The following MARCHF1 variants were observed in gnomAD, a reference collection of about 807,000 sequenced individuals.
MARCHF1 encodes the protein E3 ubiquitin-protein ligase MARCHF1.
In MARCHF1, 40 loss-of-function variants were observed where a neutral mutation model predicts 54.2. The observed-to-expected ratio is 0.74, with a 90% CI of 0.57 to 0.96. MARCHF1 has a LOEUF of 0.96. Ranked by LOEUF, MARCHF1 falls within the 40% of genes least tolerant of loss-of-function variation. The pLI, the probability that MARCHF1 is intolerant of heterozygous loss-of-function variation, is 0.00. For synonymous variants in MARCHF1, 236 were observed against 236.3 expected, an observed-to-expected ratio of 1.00 and a Z score of 0.01; for missense variants, 586 against 656.5, an observed-to-expected ratio of 0.89 and a Z score of 1.17.
chr4:164,241,719 G>A (rs1331762340), intron 1 of MARCHF1, among the ~76,000 whole-genome samples: 2 of 152,262 alleles, frequency 1.3e-5, no homozygotes, highest in East Asian at 1.9e-4. Flanking sequence ...GAGGTACCGG[G>A]TTCATCTCCC....
chr4:163,955,212 TAAAAAAA>T (rs574633631), intron 3 of MARCHF1, among the ~76,000 whole-genome samples: 5 of 111,836 alleles, frequency 4.5e-5, no homozygotes, highest in African/African-American at 1.3e-4. Flanking sequence ...TACTGAACAT[TAAAAAAA>T]AAAAAAAAAA....
chr4:163,760,917 G>T (rs1205958760), intron 4 of MARCHF1, among the ~76,000 whole-genome samples: 4 of 152,126 alleles, frequency 2.6e-5, no homozygotes, highest in African/African-American at 9.7e-5. Flanking sequence ...TGGGTATGAA[G>T]TTACATTTTG....
rs1301702137 is a variant in MARCHF1, at chr4:163,626,380, T to C, written c.163-12987A>G. On this transcript the variant is annotated intron_variant, in intron 5 of 9. Transcript: ENST00000514618. ...CTAAAGTGGTTGCTTCCTGGTGCCC[T>C]GACCAGTTTAGATCCAATCCACTAG... Among the ~76,000 whole-genome samples, 3 of 152,222 alleles carry C rather than the reference T, an allele frequency of 2.0e-5. No homozygotes were observed. In the East Asian group the frequency reaches 5.8e-4, roughly 29 times the overall value.
At chr4:163,730,493 A>G (rs1481079004) in intron 4 of MARCHF1, among the ~76,000 whole-genome samples, 1 of 152,060 alleles carries the variant, frequency 6.6e-6, no homozygotes, top group Non-Finnish European at 1.5e-5. Flanking sequence ...GGACATGTGA[A>G]TGTAATTGTG....
intron 2 of MARCHF1, among the ~76,000 whole-genome samples, chr4:164,012,381 T>A (rs1753440210): frequency 6.6e-6 from 1 of 152,114 alleles, no homozygotes; most frequent in Non-Finnish European, 1.5e-5. Context: ...TCAGGAAGAT[T>A]CCTGAAACCC....
At chr4:163,867,641 T>A (rs1750082495) in intron 3 of MARCHF1, among the ~76,000 whole-genome samples, 1 of 151,838 alleles carries the variant, frequency 6.6e-6, no homozygotes, top group Admixed American at 6.6e-5. Context: ...TGCAGTAGGC[T>A]AATTTGCCAC....
intron 2 of MARCHF1, among the ~76,000 whole-genome samples, chr4:164,040,446 C>A (rs1303076267): frequency 2.1e-5 from 3 of 145,236 alleles, no homozygotes; most frequent in Admixed American, 6.9e-5. Context: ...ATAGGTATAT[C>A]CTTGTATATT....
intron 2 of MARCHF1, among the ~76,000 whole-genome samples, chr4:164,049,826 T>C (rs927783413): frequency 2.6e-5 from 4 of 152,164 alleles, no homozygotes; most frequent in African/African-American, 9.7e-5. Context: ...TTCCTTGCAT[T>C]TTATGAGGCA....
chr4:163,817,793 G>C (rs961221013), intron 4 of MARCHF1, among the ~76,000 whole-genome samples: 1 of 151,808 alleles, frequency 6.6e-6, no homozygotes, highest in African/African-American at 2.4e-5. Flanking sequence ...AAAAAAGGAT[G>C]AGTTCATGTC....
At chr4:164,152,200 T>A (rs577447457) in intron 1 of MARCHF1, among the ~76,000 whole-genome samples, 3 of 152,296 alleles carry the variant, frequency 2.0e-5, no homozygotes, top group Admixed American at 6.5e-5. Flanking sequence ...TGATACTTGG[T>A]GTAAGTGAAA....
chr4:164,113,655 T>C (rs530411139), intron 1 of MARCHF1, among the ~76,000 whole-genome samples: 1 of 152,022 alleles, frequency 6.6e-6, no homozygotes, highest in South Asian at 2.1e-4. Flanking sequence ...TAAATAATTG[T>C]ATAGGTACGT....
At chr4:163,980,349 C>T (rs1191646939) in intron 3 of MARCHF1, among the ~76,000 whole-genome samples, 1 of 137,374 alleles carries the variant, frequency 7.3e-6, no homozygotes, top group Non-Finnish European at 1.5e-5. Flanking sequence ...TTCCTTACAC[C>T]TTATACAAAA....
intron 1 of MARCHF1, among the ~76,000 whole-genome samples, chr4:164,113,064 G>A (rs745598199): frequency 2.0e-5 from 3 of 151,256 alleles, no homozygotes; most frequent in Non-Finnish European, 4.4e-5. Context: ...CTGTCTTCCA[G>A]CTTTAACTGT....
At chr4:163,584,255 C>T (rs557290761) in intron 8 of MARCHF1, 2 of 151,830 alleles carry the variant, frequency 1.3e-5, no homozygotes, top group South Asian at 2.1e-4. Flanking sequence ...TATCCTAGAT[C>T]GTGGCCCTCA....
At chr4:164,167,209 G>T (rs1730404598) in intron 1 of MARCHF1, among the ~76,000 whole-genome samples, 1 of 151,332 alleles carries the variant, frequency 6.6e-6, no homozygotes, top group Admixed American at 6.6e-5. Context: ...CCCTCAAAAA[G>T]CAAACAGTCT....
At chr4:164,155,483 G>A (rs775478387) in intron 1 of MARCHF1, among the ~76,000 whole-genome samples, 13 of 152,174 alleles carry the variant, frequency 8.5e-5, no homozygotes, top group Non-Finnish European at 1.5e-4. Context: ...AGATTTTGAT[G>A]CAGCAAAATA....
intron 2 of MARCHF1, among the ~76,000 whole-genome samples, chr4:164,099,747 GA>G (rs1440972586): frequency 6.6e-6 from 1 of 151,980 alleles, no homozygotes; most frequent in Non-Finnish European, 1.5e-5. Flanking sequence ...TTATTCAAAA[GA>G]AAATTTTGTT....
chr4:164,199,677 CACACAG>C lies in MARCHF1; in HGVS notation c.-322-88021_-322-88016del, dbSNP rs1325090993. Among the ~76,000 whole-genome samples, 35 of 64,008 alleles carry C rather than the reference CACACAG, an allele frequency of 5.5e-4. No individual in the cohort carries two copies. In the East Asian group the frequency reaches 5.6e-3, roughly 10 times the overall value. 42.0% of individuals were successfully genotyped at this position (64,008 alleles called of 152,430 possible). On this transcript the variant is annotated intron_variant, in intron 1 of 9. Transcript: ENST00000514618. Reference sequence around the variant, plus strand: ...ACACACACACACACACACACACACACACACAGAGAGAGAGAGAGAGAGAGAGAGAGA... The same window carrying C: ...ACACACACACACACACACACACACACAGAGAGAGAGAGAGAGAGAGAGAGA...
rs561234018 is a variant in MARCHF1 at position 163,838,992 on chromosome 4, G to A, written c.111+15029C>T. On this transcript the variant is annotated intron_variant, in intron 4 of 9. Transcript: ENST00000514618. ...ACCCATAAACTAAAAGAAAATATTT[G>A]TAAATCTTATATCTAATAGGGGACT... Among the ~76,000 whole-genome samples the A allele has an allele frequency of 2.7e-4, 41 of 152,126 alleles. 1 individual carries two copies. The South Asian group carries it at 8.1e-3, about 30-fold the overall frequency.
Sources: allele counts gnomAD v4.1 joint callset (sites outside exome capture counted in the v4.1 genomes callset), GRCh38; gene constraint gnomAD v4.1.1; transcripts MANE v1.5; gene names NCBI Gene and HGNC (gene_info 2026-07-23, HGNC 2026-07-21).